The following CDK14 variants were observed in gnomAD, a reference collection of about 807,000 sequenced individuals.
CDK14 encodes the protein cyclin-dependent kinase 14.
In CDK14, 34 loss-of-function variants were observed where a neutral mutation model predicts 60.7. The ratio of observed to expected loss-of-function variants is 0.56; its 90% confidence interval spans 0.43 to 0.75. The LOEUF is 0.75. CDK14 is among the 30% of genes least tolerant of loss of function. CDK14 has a pLI of 0.00. For missense variants in CDK14, 482 were observed against 564.1 expected (o/e 0.85, Z 1.47); for synonymous variants, 197 against 203.7 (o/e 0.97, Z 0.28).
intron 9 of CDK14, among the ~76,000 whole-genome samples, chr7:90,975,538 T>C (rs1013559775): frequency 1.3e-5 from 2 of 151,424 alleles, no homozygotes; most frequent in Non-Finnish European, 2.9e-5. Flanking sequence ...GTATTATTGT[T>C]ATAGTCTTAA....
At chr7:90,898,644 T>G (rs1792409537) in intron 6 of CDK14, among the ~76,000 whole-genome samples, 1 of 152,132 alleles carries the variant, frequency 6.6e-6, no homozygotes, top group Non-Finnish European at 1.5e-5. Flanking sequence ...GATATTTACT[T>G]GTGGACAAAT....
At chr7:90,744,613 G>C (rs898815804) in intron 3 of CDK14, among the ~76,000 whole-genome samples, 5 of 151,256 alleles carry the variant, frequency 3.3e-5, no homozygotes, top group African/African-American at 1.2e-4. Flanking sequence ...CTCACCTCCC[G>C]GATGGGGCGG....
intron 4 of CDK14, among the ~76,000 whole-genome samples, chr7:90,781,754 C>A (rs1389086775): frequency 3.2e-4 from 48 of 147,742 alleles, no homozygotes; most frequent in South Asian, 1.1e-3. Flanking sequence ...TCTGAGGGCT[C>A]TGTTCTGTTC....
chr7:90,634,491 C>A (rs1310923510), intron 2 of CDK14, among the ~76,000 whole-genome samples: 1 of 151,566 alleles, frequency 6.6e-6, no homozygotes, highest in African/African-American at 2.4e-5. Context: ...CATAGTATTC[C>A]ATGGTGTATA....
intron 11 of CDK14, among the ~76,000 whole-genome samples, chr7:91,063,329 G>A (rs542272224): frequency 1.8e-4 from 27 of 152,186 alleles, no homozygotes; most frequent in Non-Finnish European, 3.8e-4. Flanking sequence ...TAAGATGGAA[G>A]CACTGTTTTG....
intron 3 of CDK14, among the ~76,000 whole-genome samples, chr7:90,735,363 T>G (rs1227208498): frequency 6.6e-6 from 1 of 152,234 alleles, no homozygotes; most frequent in African/African-American, 2.4e-5. Flanking sequence ...CTGCTCTCTT[T>G]AGAGCTGTCA....
In CDK14 at chr7:91,208,343, T is replaced by A. The variant is rs1467900141; in HGVS notation, c.*1207T>A. ...GGACCTTGGAGGATGAAGGCGAGTA[T>A]GTGACACTGGAGAAAAGTGGACCAG... On this transcript the variant is annotated 3_prime_UTR_variant, in exon 15 of 15. Coordinates refer to ENST00000380050, the MANE Select transcript of CDK14 (RefSeq NM_001287135.2). 6.6e-6 allele frequency: 1 copy of A among 152,614 alleles called. No homozygotes were observed. The highest frequency in any genetic ancestry group is 1.5e-5 in the Non-Finnish European group (1 of 68,050). 9.5% of individuals were successfully genotyped at this position (152,614 alleles called of 1,614,324 possible). A position where few individuals can be genotyped will look rare whatever the true frequency, so the allele number is the denominator to read the frequency against.
At chr7:90,971,031 C>A (rs1269075717) in intron 9 of CDK14, among the ~76,000 whole-genome samples, 1 of 152,046 alleles carries the variant, frequency 6.6e-6, no homozygotes, top group Non-Finnish European at 1.5e-5. Context: ...ATCAACTCGT[C>A]ATTTAGCATT....
At chr7:91,113,421 A>G (rs1799526899) in intron 13 of CDK14, among the ~76,000 whole-genome samples, 1 of 152,164 alleles carries the variant, frequency 6.6e-6, no homozygotes, top group Non-Finnish European at 1.5e-5. Context: ...TACATTTTAA[A>G]TATTTGGGGG....
intron 9 of CDK14, among the ~76,000 whole-genome samples, chr7:90,967,169 AGGAAGGAG>A (rs1224181685): frequency 5.9e-5 from 8 of 136,258 alleles, no homozygotes; most frequent in Non-Finnish European, 1.1e-4. Flanking sequence ...GAGGGAGGGA[AGGAAGGAG>A]GGAAGGAAGG....
chr7:90,633,620 G>A (rs1173797793), intron 2 of CDK14, among the ~76,000 whole-genome samples: 1 of 152,170 alleles, frequency 6.6e-6, no homozygotes, highest in African/African-American at 2.4e-5. Flanking sequence ...AAGCTGTTCA[G>A]TGTTCCTTGA....
At chr7:90,958,056 T>TA (rs1327834890) in intron 9 of CDK14, among the ~76,000 whole-genome samples, 2 of 152,186 alleles carry the variant, frequency 1.3e-5, no homozygotes, top group African/African-American at 4.8e-5. Context: ...TTGTTTATCT[T>TA]ACTGTTGTAT....
intron 5 of CDK14, among the ~76,000 whole-genome samples, chr7:90,814,354 CATG>C (rs1230144253): frequency 6.6e-6 from 1 of 152,134 alleles, no homozygotes; most frequent in Non-Finnish European, 1.5e-5. Context: ...TTACAAAAAA[CATG>C]AGCCACATTT....
intron 10 of CDK14, among the ~76,000 whole-genome samples, chr7:91,043,991 G>A (rs984656640): frequency 1.1e-4 from 16 of 152,014 alleles, no homozygotes; most frequent in Admixed American, 8.5e-4. Flanking sequence ...ACAAATCCTC[G>A]GATAAAGTGA....
In CDK14 at chr7:90,963,680, G is replaced by GTT. The variant is rs376787216; in HGVS notation, c.947+7874_947+7875dup. ...TTGAGGGAGGTGAAGGAAGACAAAG[G>GTT]TTTTTTTTTTTTCTTTTTTCTTTTT... is the stretch of plus-strand genomic sequence containing the variant. On this transcript the variant is annotated intron_variant, in intron 9 of 14. Coordinates refer to ENST00000380050, the MANE Select transcript of CDK14 (RefSeq NM_001287135.2). 1.4e-3 allele frequency among the ~76,000 whole-genome samples: 180 copies of GTT among 130,844 alleles called. 1 individual carries two copies. The highest frequency in any genetic ancestry group is 4.2e-3 in the African/African-American group (147 of 35,322). The allele number at this position is 130,844 out of a possible 152,430, so 85.8% of individuals were successfully genotyped here. A position where few individuals can be genotyped will look rare whatever the true frequency, so the allele number is the denominator to read the frequency against.
intron 5 of CDK14, among the ~76,000 whole-genome samples, chr7:90,829,393 A>T (rs1789835246): frequency 6.6e-6 from 1 of 152,186 alleles, no homozygotes; most frequent in South Asian, 2.1e-4. Context: ...GAGCCTGTAA[A>T]ATCGAAAACA....
chr7:91,184,760 G>T (rs1027225382), intron 14 of CDK14, among the ~76,000 whole-genome samples: 1 of 152,118 alleles, frequency 6.6e-6, no homozygotes, highest in African/African-American at 2.4e-5. Context: ...CATAAGCACG[G>T]AATCAAGGTT....
At chr7:90,822,469 G>A (rs1789583238) in intron 5 of CDK14, among the ~76,000 whole-genome samples, 1 of 152,092 alleles carries the variant, frequency 6.6e-6, no homozygotes, top group East Asian at 1.9e-4. Context: ...TGGGACCATT[G>A]CAGACTTGGA....
intron 2 of CDK14, among the ~76,000 whole-genome samples, chr7:90,607,145 A>G (rs996426165): frequency 1.3e-5 from 2 of 152,240 alleles, no homozygotes; most frequent in East Asian, 3.8e-4. Flanking sequence ...AAAGAGCACT[A>G]AAACTCTGCT....
Sources: gnomAD v4.1 joint callset for allele counts (sites outside exome capture counted in the v4.1 genomes callset) on GRCh38, gnomAD v4.1.1 for gene constraint, MANE v1.5 for transcripts, NCBI Gene and HGNC (gene_info 2026-07-23, HGNC 2026-07-21) for gene names.